Variants in KAT2B observed in about 807,000 individuals in gnomAD.
KAT2B encodes the protein lysine acetyltransferase 2B.
In KAT2B, 36 loss-of-function variants were observed where a neutral mutation model predicts 105.9. That is an observed-to-expected ratio of 0.34 (90% confidence interval 0.26 to 0.45). KAT2B has a LOEUF of 0.45. Among genes scored for constraint, KAT2B ranks in the 20% least tolerant of loss-of-function variants. KAT2B has a pLI of 1.00. For missense variants in KAT2B, 820 were observed against 1,021.6 expected (o/e 0.80, Z 2.69); for synonymous variants, 397 against 377.9 (o/e 1.05, Z -0.59).
chr3:20,112,973 G>A (rs1197124861), intron 6 of KAT2B, among the ~76,000 whole-genome samples: 1 of 152,204 alleles, frequency 6.6e-6, no homozygotes, highest in East Asian at 1.9e-4. Context: ...TTAGATAGAT[G>A]TCATGGGTAA....
chr3:20,044,025 T>A (rs373875536), intron 1 of KAT2B, among the ~76,000 whole-genome samples: 18 of 143,754 alleles, frequency 1.3e-4, no homozygotes, highest in African/African-American at 4.4e-4. Context: ...AGAAGGGAGC[T>A]AAGTCAGCCA....
intron 6 of KAT2B, among the ~76,000 whole-genome samples, chr3:20,112,957 T>G (rs370748849): frequency 1.4e-4 from 22 of 152,238 alleles, no homozygotes; most frequent in Non-Finnish European, 2.5e-4. Context: ...ACCCAAATCC[T>G]AAACCTTAGA....
At position 20,101,351 on chromosome 3, in the gene KAT2B, T is replaced by A; in HGVS notation, c.734T>A (p.Val245Asp). 6.2e-7 allele frequency: 1 copy of A among 1,614,114 alleles called. No homozygotes were observed. The change falls in exon 5 of 18, where the codon GTT becomes GAT. Residue 245 changes from valine to aspartate, a missense_variant. Val to Asp is a radical substitution (Grantham distance 152). This residue lies in a region of KAT2B where 173 missense variants were observed against 249.5 expected (regional missense o/e 0.69). Transcript: ENST00000263754. ...CCAGCAAAAGAAAGGCAAACAATAG[T>A]TGAGTTGGCAAAAATGTTCCTAAAC... ...HLPAKERQTIVELAKMFLNRI... is the reference protein window; with the variant it reads ...HLPAKERQTIDELAKMFLNRI...
Position 20,152,498 on chromosome 3 carries a change from T to G in KAT2B, c.2472T>G (p.Ile824Met), listed in dbSNP as rs1699886550. 6.2e-7 allele frequency: 1 copy of G among 1,613,144 alleles called. No individual in the cohort carries two copies. The highest frequency in any genetic ancestry group is 1.7e-5 in the Admixed American group (1 of 59,970). Residue 824 changes from isoleucine to methionine, a missense_variant, in exon 18 of 18, where the codon ATT (isoleucine) becomes ATG (methionine). Ile to Met is a conservative substitution (Grantham distance 10). Transcript: ENST00000263754. Reference protein sequence around the residue: ...NILEKFFFSKIKEAGLIDK With the variant: ...NILEKFFFSKMKEAGLIDK The stretch of plus-strand genomic sequence containing the variant: ...TGGAGAAATTCTTCTTCAGTAAAAT[T>G]AAGGAAGCTGGATTAATTGACAAGT...
At chr3:20,081,206 A>G (rs1045324855) in intron 2 of KAT2B, among the ~76,000 whole-genome samples, 1 of 152,228 alleles carries the variant, frequency 6.6e-6, no homozygotes, top group African/African-American at 2.4e-5. Flanking sequence ...CTTCTGGTCC[A>G]GAGGAGCAGG....
At chr3:20,067,345 AG>A (rs1161784210) in intron 1 of KAT2B, among the ~76,000 whole-genome samples, 1 of 152,126 alleles carries the variant, frequency 6.6e-6, no homozygotes, top group African/African-American at 2.4e-5. Context: ...TTTATTGAGT[AG>A]GGGAAATATA....
chr3:20,042,543 T>TG (rs765032548), intron 1 of KAT2B, among the ~76,000 whole-genome samples: 15 of 152,262 alleles, frequency 9.9e-5, no homozygotes, highest in South Asian at 4.1e-4. Context: ...CAAAAACCTA[T>TG]GAAAAAAAAG....
intron 2 of KAT2B, among the ~76,000 whole-genome samples, chr3:20,084,374 G>A (rs1559306926): frequency 6.6e-6 from 1 of 151,962 alleles, no homozygotes; most frequent in African/African-American, 2.4e-5. Flanking sequence ...CCAGACCTGC[G>A]TTTATTTCAT....
At chr3:20,081,304 C>G (rs1698514964) in intron 2 of KAT2B, among the ~76,000 whole-genome samples, 1 of 152,084 alleles carries the variant, frequency 6.6e-6, no homozygotes, top group Admixed American at 6.6e-5. Flanking sequence ...AAGTGCAGGC[C>G]AATGATACAC....
intron 1 of KAT2B, among the ~76,000 whole-genome samples, chr3:20,045,677 G>A (rs530941104): frequency 1.4e-3 from 209 of 152,252 alleles, no homozygotes; most frequent in Middle Eastern, 6.8e-3. Flanking sequence ...ATATTAATAC[G>A]TAAGAGGAGG....
intron 1 of KAT2B, among the ~76,000 whole-genome samples, chr3:20,041,238 G>T (rs1406037085): frequency 3.3e-5 from 5 of 152,082 alleles, no homozygotes; most frequent in African/African-American, 1.2e-4. Context: ...AAGGAGTGGG[G>T]GTGGAGAAGA....
At chr3:20,101,202 A>G (rs1176989817) in intron 4 of KAT2B, 85 bp from the exon 5 acceptor site, 2 of 1,083,846 alleles carry the variant, frequency 1.8e-6, no homozygotes, top group East Asian at 2.4e-5. Flanking sequence ...TTTGCTAATA[A>G]CCACCAATCA....
chr3:20,043,567 G>A (rs1264827172), intron 1 of KAT2B, among the ~76,000 whole-genome samples: 1 of 152,032 alleles, frequency 6.6e-6, no homozygotes, highest in Non-Finnish European at 1.5e-5. Context: ...GAAGCTTCTT[G>A]TAGTGGAGAA....
chr3:20,118,252 C>T lies in KAT2B; in HGVS notation c.1151-1346C>T, dbSNP rs184707874. Among the ~76,000 whole-genome samples the T allele has an allele frequency of 1.4e-5, 2 of 139,872 alleles. 1 individual carries two copies. Among genetic ancestry groups the T allele is most frequent in the Non-Finnish European group, 3.1e-5 (2 of 65,218 alleles). 91.8% of individuals were successfully genotyped at this position (139,872 alleles called of 152,430 possible). A position where few individuals can be genotyped will look rare whatever the true frequency, so the allele number is the denominator to read the frequency against. ...ATATGTAAATATATTTACATTTTTACAAAAATATGTAAATATATTATTTAT... is the reference window on the plus strand; with the variant it reads ...ATATGTAAATATATTTACATTTTTATAAAAATATGTAAATATATTATTTAT... On this transcript the variant is annotated intron_variant, in intron 7 of 17. Coordinates refer to ENST00000263754, the MANE Select transcript of KAT2B (RefSeq NM_003884.5).
rs933447240 is a variant in KAT2B at position 20,078,539 on chromosome 3, A to T, written c.430+6080A>T. Among the ~76,000 whole-genome samples the T allele has an allele frequency of 1.4e-5, 2 of 145,728 alleles. 1 individual carries two copies. Among genetic ancestry groups the T allele is most frequent in the African/African-American group, 5.0e-5 (2 of 39,900 alleles). On this transcript the variant is annotated intron_variant, in intron 2 of 17. Transcript: ENST00000263754. ...AGACATGCAGCAACATGCCCAGCTA[A>T]TTTTTTTTTTTTGTATCTTTGGTAG...
intron 11 of KAT2B, among the ~76,000 whole-genome samples, chr3:20,130,244 A>G (rs1699485254): frequency 6.6e-6 from 1 of 152,216 alleles, no homozygotes; most frequent in Non-Finnish European, 1.5e-5. Flanking sequence ...GGCAAATGCA[A>G]TTCAGCAGTC....
chr3:20,101,651 T>A (rs1698913744), intron 5 of KAT2B, among the ~76,000 whole-genome samples, 183 bp downstream of exon 5: 1 of 152,194 alleles, frequency 6.6e-6, no homozygotes, highest in African/African-American at 2.4e-5. Context: ...TATGTTGAGG[T>A]GTGAGGGATG....
chr3:20,059,588 C>A (rs551270841), intron 1 of KAT2B, among the ~76,000 whole-genome samples: 43 of 151,948 alleles, frequency 2.8e-4, no homozygotes, highest in African/African-American at 8.4e-4. Context: ...GCCTGTAGTC[C>A]CAGCTACTTG....
intron 5 of KAT2B, among the ~76,000 whole-genome samples, chr3:20,102,542 A>G (rs1239267250): frequency 6.6e-6 from 1 of 152,142 alleles, no homozygotes; most frequent in East Asian, 1.9e-4. Flanking sequence ...TTACCTAACC[A>G]TTTCTCTATT....
Sources: gnomAD v4.1 joint callset for allele counts (sites outside exome capture counted in the v4.1 genomes callset) on GRCh38, gnomAD v4.1.1 for gene constraint, gnomAD v4.1.1 regional missense constraint, MANE v1.5 for transcripts, NCBI Gene and HGNC (gene_info 2026-07-23, HGNC 2026-07-21) for gene names.